RANBP17: variants seen among roughly 807,000 people sequenced by gnomAD.
The protein encoded by RANBP17 is RAN binding protein 17.
RANBP17 carries 158 observed loss-of-function variants against 141.2 expected under a neutral mutation model. That is an observed-to-expected ratio of 1.12 (90% CI 0.98 to 1.28). RANBP17 has a LOEUF of 1.28. Among genes scored for constraint, RANBP17 ranks in the 50% most tolerant of loss-of-function variants. RANBP17 has a pLI of 0.00. For missense variants in RANBP17, 1,438 were observed against 1,290.7 expected, an observed-to-expected ratio of 1.11 and a Z score of -1.75; for synonymous variants, 430 against 450.0, an observed-to-expected ratio of 0.96 and a Z score of 0.56.
intron 14 of RANBP17, among the ~76,000 whole-genome samples, chr5:171,097,109 A>G (rs1786750358): frequency 6.6e-6 from 1 of 152,168 alleles, no homozygotes; most frequent in South Asian, 2.1e-4. Flanking sequence ...CTAATGCAGA[A>G]ATTGTTCCAG....
At chr5:171,149,080 G>A (rs1397064859) in intron 14 of RANBP17, among the ~76,000 whole-genome samples, 2 of 152,302 alleles carry the variant, frequency 1.3e-5, no homozygotes, top group African/African-American at 2.4e-5. Flanking sequence ...TAGCTACCAC[G>A]TACAAGCTAT....
In RANBP17 at chr5:171,124,761, A is replaced by AC. The variant is rs1348523060; in HGVS notation, c.1711-45367dup. Among the ~76,000 whole-genome samples the AC allele has an allele frequency of 1.7e-4, 26 of 152,194 alleles. 1 individual carries two copies. The highest frequency in any genetic ancestry group is 3.5e-4 in the Non-Finnish European group (24 of 68,032). ...TCAAACATCATCACAACAAAAAAAA[A>AC]CCACCAAATCATAAATGTAAACAAC... On this transcript the variant is annotated intron_variant, in intron 14 of 27. Coordinates refer to ENST00000523189, the MANE Select transcript of RANBP17 (RefSeq NM_022897.5).
chr5:171,051,269 A>G (rs899766006), intron 14 of RANBP17, among the ~76,000 whole-genome samples: 5 of 152,126 alleles, frequency 3.3e-5, no homozygotes, highest in African/African-American at 7.2e-5. Context: ...CACATGCTAT[A>G]TTGAGTGTTT....
chr5:171,005,181 T>C (rs990234569), intron 14 of RANBP17, among the ~76,000 whole-genome samples: 28 of 152,160 alleles, frequency 1.8e-4, no homozygotes, highest in Admixed American at 2.0e-4. Flanking sequence ...AGGTAATTTA[T>C]AGATTCAATG....
At chr5:171,096,304 A>T (rs2127736156) in intron 14 of RANBP17, among the ~76,000 whole-genome samples, 1 of 152,314 alleles carries the variant, frequency 6.6e-6, no homozygotes, top group Non-Finnish European at 1.5e-5. Context: ...TCCTTTAAGG[A>T]AAGAGACTGT....
chr5:171,187,446 A>G (rs931203318), intron 18 of RANBP17, among the ~76,000 whole-genome samples: 2 of 151,974 alleles, frequency 1.3e-5, no homozygotes, highest in Non-Finnish European at 2.9e-5. Context: ...ATTTGTTTAA[A>G]AAAAAAAAAA....
intron 25 of RANBP17, among the ~76,000 whole-genome samples, chr5:171,292,682 T>C (rs1768565230): frequency 6.6e-6 from 1 of 151,964 alleles, no homozygotes; most frequent in South Asian, 2.1e-4. Context: ...AGGTAGGAGG[T>C]AAAGAGTCCA....
intron 25 of RANBP17, among the ~76,000 whole-genome samples, chr5:171,291,063 G>A (rs915238895): frequency 4.6e-5 from 7 of 152,172 alleles, no homozygotes; most frequent in African/African-American, 1.7e-4. Context: ...CATTCTGATT[G>A]GCTCCAAAGC....
At chr5:171,239,593 A>G (rs755122374) in intron 22 of RANBP17, among the ~76,000 whole-genome samples, 3 of 152,198 alleles carry the variant, frequency 2.0e-5, no homozygotes, top group Non-Finnish European at 4.4e-5. Context: ...TCCTGAAATA[A>G]TGGCATAGAC....
At chr5:171,094,263 G>A (rs1358367586) in intron 14 of RANBP17, among the ~76,000 whole-genome samples, 1 of 152,106 alleles carries the variant, frequency 6.6e-6, no homozygotes, top group African/African-American at 2.4e-5. Context: ...TTTTAATTGT[G>A]TGTGTTGCAT....
chr5:170,959,611 C>A (rs1478319092), intron 13 of RANBP17, among the ~76,000 whole-genome samples: 2 of 152,154 alleles, frequency 1.3e-5, no homozygotes, highest in Non-Finnish European at 2.9e-5. Context: ...ACTTTAGACT[C>A]CCCCCAAATT....
chr5:170,977,762 A>T (rs539011573), intron 14 of RANBP17, among the ~76,000 whole-genome samples: 1 of 152,260 alleles, frequency 6.6e-6, no homozygotes, highest in African/African-American at 2.4e-5. Context: ...ATACCACATG[A>T]TTCCAGTGGT....
intron 14 of RANBP17, among the ~76,000 whole-genome samples, chr5:171,022,616 C>T (rs574463399): frequency 2.0e-5 from 3 of 152,328 alleles, no homozygotes; most frequent in South Asian, 2.1e-4. Flanking sequence ...GACATGTCTT[C>T]GTACCAAGCC....
intron 14 of RANBP17, among the ~76,000 whole-genome samples, chr5:171,122,776 C>A (rs113184423): frequency 6.6e-6 from 1 of 152,176 alleles, no homozygotes; most frequent in Admixed American, 6.5e-5. Context: ...TTTCTCACAC[C>A]CCTCCCTGCA....
At chr5:171,183,540 T>G (rs1415359736) in intron 18 of RANBP17, 110 bp downstream of exon 18, 1 of 697,262 alleles carries the variant, frequency 1.4e-6, no homozygotes, top group Non-Finnish European at 2.4e-6. Context: ...AATTAGCGTC[T>G]TCTGACAGTT....
intron 14 of RANBP17, among the ~76,000 whole-genome samples, chr5:171,010,946 C>G (rs189806767): frequency 4.8e-4 from 73 of 151,884 alleles, no homozygotes; most frequent in African/African-American, 1.7e-3. Flanking sequence ...AATTGCAGGC[C>G]CACAGGATTT....
intron 14 of RANBP17, among the ~76,000 whole-genome samples, chr5:171,106,665 G>A (rs1754859276): frequency 6.6e-6 from 1 of 152,086 alleles, no homozygotes; most frequent in Non-Finnish European, 1.5e-5. Flanking sequence ...TTGTAACTTG[G>A]AAAAATTTTT....
chr5:170,870,531 C>G (rs917668213), intron 1 of RANBP17, among the ~76,000 whole-genome samples: 1 of 152,162 alleles, frequency 6.6e-6, no homozygotes, highest in Non-Finnish European at 1.5e-5. Context: ...CATCCATGTC[C>G]CAGCAAAGGA....
intron 14 of RANBP17, among the ~76,000 whole-genome samples, chr5:171,115,155 A>G (rs1465509944): frequency 6.6e-6 from 1 of 152,122 alleles, no homozygotes; most frequent in African/African-American, 2.4e-5. Context: ...AAGAAAACAA[A>G]TGAAAGAGAT....
Sources: gnomAD v4.1 joint callset for allele counts (sites outside exome capture counted in the v4.1 genomes callset) on GRCh38, gnomAD v4.1.1 for gene constraint, MANE v1.5 for transcripts, NCBI Gene and HGNC (gene_info 2026-07-23, HGNC 2026-07-21) for gene names.